PVALB: variants seen among roughly 807,000 people sequenced by gnomAD.
The protein encoded by PVALB is parvalbumin.
In PVALB, 11 loss-of-function variants were observed where a neutral mutation model predicts 10.9. The observed-to-expected ratio is 1.01, with a 90% confidence interval of 0.63 to 1.67. The LOEUF is 1.67. PVALB is among the 40% of genes most tolerant of loss of function. The pLI is 0.00. For missense variants in PVALB, 131 were observed against 136.2 expected (o/e 0.96, Z 0.19); for synonymous variants, 57 against 50.7 (o/e 1.12, Z -0.53).
chr22:36,810,232 G>C (rs1269785281), intron 3 of PVALB, among the ~76,000 whole-genome samples: 8 of 152,208 alleles, frequency 5.3e-5, no homozygotes, highest in Non-Finnish European at 1.2e-4. Flanking sequence ...GGGGCTCTGG[G>C]ACATGCCCCA....
At chr22:36,813,817 T>G in intron 2 of PVALB, 62 bp from the exon 3 acceptor site, 1 of 1,262,770 alleles carries the variant, frequency 7.9e-7, no homozygotes, top group East Asian at 2.3e-5. Context: ...TGCAGGACGC[T>G]GGATGGAGGG....
In PVALB at chr22:36,813,643, C is replaced by T. The variant is rs777932570; in HGVS notation, c.304+3G>A. On this transcript the variant is annotated splice_donor_region_variant and intron_variant, in intron 3 of 3. Coordinates refer to ENST00000417718, the MANE Select transcript of PVALB (RefSeq NM_001315532.2). The stretch of plus-strand genomic sequence containing the variant: ...GCCCAGACCCCAGGTCACGGCTACC[C>T]ACCGTCAACCCCAATTTTGCCGTCC... 4.3e-6 allele frequency: 7 copies of T among 1,610,782 alleles called. No homozygotes were observed. The highest frequency in any genetic ancestry group is 4.5e-5 in the East Asian group (2 of 44,888).
chr22:36,817,181 G>C (rs898804411), upstream of PVALB: 4 of 482,482 alleles, frequency 8.3e-6, no homozygotes, highest in South Asian at 5.9e-5. Context: ...CAGTCCAGCC[G>C]CGCCGCTGAG....
rs781514004 is a variant in PVALB at position 36,815,206 on chromosome 22, AG to A, written c.90del (p.Phe31SerfsTer6). On this transcript the variant is annotated frameshift_variant, in exon 2 of 4. Transcript: ENST00000417718. LOFTEE classifies it high-confidence loss of function. ...TTTTTCTTCAGGCCGACCATTTGGAAGAACTTTTTGTGGTCGAAGGAGTCGG... is the reference window on the plus strand; with the variant it reads ...TTTTTCTTCAGGCCGACCATTTGGAAAACTTTTTGTGGTCGAAGGAGTCGG... The part of the protein sequence containing the change: ...SATDSFDHKK[F>X]FQMVGLKKKS... The A allele has an allele frequency of 1.2e-6, 2 of 1,614,078 alleles. No individual in the cohort carries two copies. The highest frequency in any genetic ancestry group is 2.7e-5 in the African/African-American group (2 of 74,934).
At chr22:36,815,408 T>C in intron 1 of PVALB, 173 bp from the exon 2 acceptor site, 1 of 842,134 alleles carries the variant, frequency 1.2e-6, no homozygotes, top group Non-Finnish European at 1.8e-6. Context: ...GAGGATAACC[T>C]GTCCAAGGTC....
At chr22:36,804,675 C>T (rs1938922912) in intron 3 of PVALB, among the ~76,000 whole-genome samples, 1 of 152,194 alleles carries the variant, frequency 6.6e-6, no homozygotes, top group African/African-American at 2.4e-5. Flanking sequence ...GTGGCTCATG[C>T]CTGTAATCAC....
intron 3 of PVALB, among the ~76,000 whole-genome samples, chr22:36,806,469 G>A (rs1217585210): frequency 6.6e-6 from 1 of 152,186 alleles, no homozygotes; most frequent in Non-Finnish European, 1.5e-5. Flanking sequence ...ACAGGTGAGA[G>A]CAACACACGC....
At chr22:36,811,716 G>T (rs1939049190) in intron 3 of PVALB, among the ~76,000 whole-genome samples, 1 of 152,160 alleles carries the variant, frequency 6.6e-6, no homozygotes, top group Admixed American at 6.6e-5. Flanking sequence ...TGGAAGGCAG[G>T]TCTGGAGGCC....
At chr22:36,809,855 GTTT>G in intron 3 of PVALB, among the ~76,000 whole-genome samples, 1 of 122,084 alleles carries the variant, frequency 8.2e-6, no homozygotes, top group Non-Finnish European at 1.7e-5. Context: ...CATGTCCCAT[GTTT>G]TTTTTTTTTT....
Position 36,813,718 on chromosome 22 carries a change from G to A in PVALB, c.232C>T (p.Leu78=), listed in dbSNP as rs35095499. The A allele has an allele frequency of 1.4e-4, 218 of 1,614,086 alleles. No individual in the cohort carries two copies. The African/African-American group carries it at 2.7e-3, about 20-fold the overall frequency. Residue 78 remains leucine, a synonymous_variant, in exon 3 of 4, where the codon CTG becomes TTG. Coordinates refer to ENST00000417718, the MANE Select transcript of PVALB (RefSeq NM_001315532.2). ...AGCATCTTGGTTTCTTTAGCAGACA[G>A]GTCTCTGGCATCTGGGGAGAAGCCT... is the stretch of plus-strand genomic sequence containing the variant. ...LKGFSPDARD[L]SAKETKMLMA... is the part of the protein sequence containing the mutation.
intron 3 of PVALB, among the ~76,000 whole-genome samples, chr22:36,812,881 C>T (rs190347879): frequency 9.2e-5 from 14 of 152,296 alleles, no homozygotes; most frequent in East Asian, 1.9e-4. Flanking sequence ...GAGATAATTC[C>T]GGAGAAAATC....
intron 3 of PVALB, among the ~76,000 whole-genome samples, chr22:36,802,101 T>C (rs1167102887): frequency 6.6e-6 from 1 of 152,188 alleles, no homozygotes; most frequent in African/African-American, 2.4e-5. Flanking sequence ...GGAATACAAA[T>C]GTAAAACCCC....
rs773421720 is a variant in PVALB, at chr22:36,815,085, C to T, written c.194+18G>A. 1.9e-6 allele frequency: 3 copies of T among 1,613,722 alleles called. No homozygotes were observed. The highest frequency in any genetic ancestry group is 8.5e-7 in the Non-Finnish European group (1 of 1,179,876). On this transcript the variant is annotated intron_variant, in intron 2 of 3. Coordinates refer to ENST00000417718, the MANE Select transcript of PVALB (RefSeq NM_001315532.2). ...CGTGCAGCCGTGGGCTGGGCAGCCCCTGCAGGCCTCCGCTTACCCCAGCTC... is the reference window on the plus strand; with the variant it reads ...CGTGCAGCCGTGGGCTGGGCAGCCCTTGCAGGCCTCCGCTTACCCCAGCTC...
chr22:36,807,117 G>A (rs1339145677), intron 3 of PVALB, among the ~76,000 whole-genome samples: 2 of 152,222 alleles, frequency 1.3e-5, no homozygotes, highest in East Asian at 3.8e-4. Context: ...GGAATAAAAA[G>A]AGCAGATTGC....
intron 3 of PVALB, among the ~76,000 whole-genome samples, chr22:36,809,076 C>A (rs1210628071): frequency 6.6e-6 from 1 of 152,222 alleles, no homozygotes; most frequent in Non-Finnish European, 1.5e-5. Context: ...AAGTATCACT[C>A]ACCTTCAGAA....
intron 3 of PVALB, among the ~76,000 whole-genome samples, chr22:36,808,345 G>C (rs1013078885): frequency 6.6e-6 from 1 of 151,986 alleles, no homozygotes; most frequent in Admixed American, 6.5e-5. Flanking sequence ...CACACTCTGC[G>C]GGGGCAGGCA....
At chr22:36,813,578 T>C in intron 3 of PVALB, 68 bp downstream of exon 3, 2 of 1,323,410 alleles carry the variant, frequency 1.5e-6, no homozygotes, top group South Asian at 2.4e-5. Flanking sequence ...CAGACATAGC[T>C]TCAAACTTTT....
At chr22:36,807,461 C>A (rs543594218) in intron 3 of PVALB, among the ~76,000 whole-genome samples, 2 of 152,214 alleles carry the variant, frequency 1.3e-5, no homozygotes, top group Admixed American at 1.3e-4. Context: ...ACAGGGAGAA[C>A]GGCAAATTCT....
intron 3 of PVALB, among the ~76,000 whole-genome samples, chr22:36,803,632 G>C (rs1374578792): frequency 1.4e-5 from 2 of 142,704 alleles, no homozygotes; most frequent in Non-Finnish European, 3.0e-5. Flanking sequence ...TAGAGGGATG[G>C]ATAAAGGGAG....
Sources: gnomAD v4.1 joint callset for allele counts (sites outside exome capture counted in the v4.1 genomes callset) on GRCh38, gnomAD v4.1.1 for gene constraint, MANE v1.5 for transcripts, NCBI Gene and HGNC (gene_info 2026-07-23, HGNC 2026-07-21) for gene names.